ZRANB3: variants seen among roughly 807,000 people sequenced by gnomAD.
The protein encoded by ZRANB3 is zinc finger RANBP2-type containing 3.
In ZRANB3, 125 loss-of-function variants were observed where a neutral mutation model predicts 133.8. That is an observed-to-expected ratio of 0.93 (90% confidence interval 0.81 to 1.08). ZRANB3 has a LOEUF of 1.08. Among genes scored for constraint, ZRANB3 ranks in the 50% least tolerant of loss-of-function variants. ZRANB3 has a pLI of 0.00. For missense variants in ZRANB3, 1,229 were observed against 1,275.5 expected, an observed-to-expected ratio of 0.96 and a Z score of 0.56; for synonymous variants, 387 against 432.7, an observed-to-expected ratio of 0.89 and a Z score of 1.31.
chr2:135,375,516 T>TAAA (rs1686382186), intron 3 of ZRANB3, among the ~76,000 whole-genome samples: 1 of 152,010 alleles, frequency 6.6e-6, no homozygotes, highest in South Asian at 2.1e-4. Flanking sequence ...AAACCCCGTC[T>TAAA]CTACTAAAAA....
intron 5 of ZRANB3, among the ~76,000 whole-genome samples, chr2:135,347,347 C>G (rs973862716): frequency 8.9e-5 from 13 of 146,816 alleles, no homozygotes; most frequent in African/African-American, 3.4e-4. Context: ...GGCTGGAGTG[C>G]AGTGGTGCGA....
chr2:135,230,088 T>C (rs1056736509), intron 13 of ZRANB3, among the ~76,000 whole-genome samples: 9 of 152,314 alleles, frequency 5.9e-5, no homozygotes, highest in African/African-American at 2.2e-4. Context: ...AGAAGCTACA[T>C]TAGATTATTT....
At chr2:135,298,959 G>A (rs1357421233) in intron 8 of ZRANB3, among the ~76,000 whole-genome samples, 1 of 152,046 alleles carries the variant, frequency 6.6e-6, no homozygotes, top group Non-Finnish European at 1.5e-5. Flanking sequence ...GCCAGGAGGG[G>A]GTGCTTTCAA....
intron 6 of ZRANB3, among the ~76,000 whole-genome samples, chr2:135,334,873 C>T (rs188323349): frequency 4.0e-5 from 6 of 151,090 alleles, no homozygotes; most frequent in African/African-American, 1.2e-4. Context: ...CCAGCCTGGG[C>T]GACAGAGCAA....
chr2:135,274,447 A>C (rs527855146), intron 9 of ZRANB3, among the ~76,000 whole-genome samples: 2 of 152,214 alleles, frequency 1.3e-5, no homozygotes, highest in African/African-American at 4.8e-5. Context: ...TTTCCTCTCT[A>C]TGTCACCCAC....
chr2:135,400,966 A>G (rs915164252), intron 2 of ZRANB3, among the ~76,000 whole-genome samples: 5 of 152,224 alleles, frequency 3.3e-5, no homozygotes, highest in Admixed American at 1.3e-4. Flanking sequence ...AAATATTACC[A>G]TAAGTATATT....
chr2:135,497,631 C>T (rs968173071), intron 2 of ZRANB3, among the ~76,000 whole-genome samples: 3 of 152,144 alleles, frequency 2.0e-5, no homozygotes, highest in Non-Finnish European at 4.4e-5. Flanking sequence ...CAGCACTTAT[C>T]TAGAAAGGTA....
At chr2:135,511,102 G>A (rs1693433352) in intron 1 of ZRANB3, 2 of 767,970 alleles carry the variant, frequency 2.6e-6, no homozygotes, top group Non-Finnish European at 4.8e-6. Flanking sequence ...GTACAGGGCT[G>A]TGAAGCTAGT....
intron 12 of ZRANB3, among the ~76,000 whole-genome samples, chr2:135,235,341 C>T (rs1306036027): frequency 6.6e-6 from 1 of 152,158 alleles, no homozygotes; most frequent in Non-Finnish European, 1.5e-5. Flanking sequence ...GATTCACAGC[C>T]AAATTCTACG....
At chr2:135,354,953 T>C (rs955129985) in intron 3 of ZRANB3, among the ~76,000 whole-genome samples, 13 of 152,172 alleles carry the variant, frequency 8.5e-5, no homozygotes, top group Admixed American at 5.2e-4. Flanking sequence ...GTAGTTACTA[T>C]GGCAAACAAT....
intron 3 of ZRANB3, among the ~76,000 whole-genome samples, chr2:135,366,666 G>A (rs894710183): frequency 6.6e-6 from 1 of 151,840 alleles, no homozygotes; most frequent in Non-Finnish European, 1.5e-5. Context: ...GAAAAAAAAA[G>A]GACTACTAAG....
intron 17 of ZRANB3, among the ~76,000 whole-genome samples, chr2:135,214,569 T>C (rs1187737361): frequency 6.6e-6 from 1 of 152,078 alleles, no homozygotes; most frequent in Non-Finnish European, 1.5e-5. Flanking sequence ...TGAAAAGAAT[T>C]ATGATCATGT....
At chr2:135,254,898 A>C (rs879289664) in intron 12 of ZRANB3, among the ~76,000 whole-genome samples, 161 of 151,854 alleles carry the variant, frequency 1.1e-3, no homozygotes, top group Non-Finnish European at 2.1e-3. Flanking sequence ...CTACAGGCAC[A>C]CACCGCCACA....
Position 135,224,505 on chromosome 2 carries a change from C to T in ZRANB3, c.2171G>A (p.Ser724Asn), listed in dbSNP as rs1694681354. 1 of 1,612,524 alleles carries T rather than the reference C, an allele frequency of 6.2e-7. No individual in the cohort carries two copies. Residue 724 changes from serine to asparagine, a missense_variant, in exon 15 of 21, where the codon AGT (serine) becomes AAT (asparagine). Transcript: ENST00000264159. The part of the protein sequence containing the change: ...TSQPGNEQWK[S>N]SDTLPVYDTL... ...GTCATACACTGGCAAAGTGTCTGAA[C>T]TCTTCCACTGTTCTATTAAAGAAGA...
chr2:135,502,616 G>A (rs1183958958), intron 2 of ZRANB3, among the ~76,000 whole-genome samples: 2 of 152,142 alleles, frequency 1.3e-5, no homozygotes, highest in African/African-American at 2.4e-5. Flanking sequence ...TAAAGCGTAC[G>A]TTCTTTCTAC....
At chr2:135,353,845 C>T (rs538932054) in intron 3 of ZRANB3, among the ~76,000 whole-genome samples, 3 of 151,638 alleles carry the variant, frequency 2.0e-5, no homozygotes, top group East Asian at 1.9e-4. Flanking sequence ...TATAAAAAAA[C>T]GTACAAAAAA....
At chr2:135,234,049 A>C (rs540561997) in intron 12 of ZRANB3, among the ~76,000 whole-genome samples, 6 of 152,314 alleles carry the variant, frequency 3.9e-5, no homozygotes, top group Non-Finnish European at 8.8e-5. Context: ...CAGGAAACCC[A>C]TCTCATGTGC....
At chr2:135,498,150 T>C (rs1692766463) in intron 2 of ZRANB3, among the ~76,000 whole-genome samples, 1 of 152,104 alleles carries the variant, frequency 6.6e-6, no homozygotes, top group East Asian at 1.9e-4. Flanking sequence ...TCCAAGTAGA[T>C]TGTAAATCGA....
intron 8 of ZRANB3, among the ~76,000 whole-genome samples, chr2:135,311,214 C>T (rs1378306063): frequency 1.3e-5 from 2 of 152,046 alleles, no homozygotes; most frequent in Admixed American, 1.3e-4. Flanking sequence ...AAAAAACATG[C>T]TCAACACCAT....
Sources: allele counts gnomAD v4.1 joint callset (sites outside exome capture counted in the v4.1 genomes callset), GRCh38; gene constraint gnomAD v4.1.1; transcripts MANE v1.5; gene names NCBI Gene and HGNC (gene_info 2026-07-23, HGNC 2026-07-21).